The following ADAM22 variants were observed in gnomAD, a reference collection of about 807,000 sequenced individuals.
The protein encoded by ADAM22 is ADAM metallopeptidase domain 22.
Under a neutral mutation model 144.6 loss-of-function variants are expected in ADAM22, and 65 were observed. That is an observed-to-expected ratio of 0.45 (90% CI 0.37 to 0.55). The LOEUF is 0.55. Ranked by LOEUF, ADAM22 falls within the 20% of genes least tolerant of loss-of-function variation. The pLI is 0.00. For synonymous variants in ADAM22, 391 were observed against 412.6 expected, an observed-to-expected ratio of 0.95 and a Z score of 0.63; for missense variants, 974 against 1,184.9, an observed-to-expected ratio of 0.82 and a Z score of 2.61.
chr7:87,935,716 C>A (rs577926474), intron 2 of ADAM22, among the ~76,000 whole-genome samples: 1 of 152,200 alleles, frequency 6.6e-6, no homozygotes, highest in Admixed American at 6.5e-5. Flanking sequence ...TGCCCATTCA[C>A]CCCTACCTTC....
chr7:87,971,828 A>G (rs1456374839), intron 2 of ADAM22, among the ~76,000 whole-genome samples: 2 of 152,220 alleles, frequency 1.3e-5, no homozygotes, highest in Admixed American at 6.5e-5. Context: ...GTGTTGAATA[A>G]TAAGCCTGAT....
intron 4 of ADAM22, among the ~76,000 whole-genome samples, chr7:88,096,180 C>T (rs1821241321): frequency 6.6e-6 from 1 of 152,164 alleles, no homozygotes; most frequent in Admixed American, 6.5e-5. Context: ...GCCTCAGCGT[C>T]CCAAAGTGCT....
At position 88,139,112 on chromosome 7, in the gene ADAM22, C is replaced by A. The variant is rs531422958; in HGVS notation, c.1220+3081C>A. Reference sequence around the variant, plus strand: ...GTATGGATCCAACTCAGGTTTTGACCAGTAGGATAAAGAGGGACTTTGGGG... The same window carrying A: ...GTATGGATCCAACTCAGGTTTTGACAAGTAGGATAAAGAGGGACTTTGGGG... On this transcript the variant is annotated intron_variant, in intron 14 of 31. Transcript: ENST00000413139. Among the ~76,000 whole-genome samples the A allele has an allele frequency of 1.7e-4, 26 of 152,214 alleles. No individual in the cohort carries two copies. In the South Asian group the frequency reaches 5.4e-3, roughly 32 times the overall value.
intron 14 of ADAM22, among the ~76,000 whole-genome samples, chr7:88,141,477 T>C (rs1230093783): frequency 6.6e-6 from 1 of 152,218 alleles, no homozygotes; most frequent in Non-Finnish European, 1.5e-5. Flanking sequence ...GGGATATAAA[T>C]GGACAGTTTT....
At chr7:87,959,080 T>C (rs1198362606) in intron 2 of ADAM22, among the ~76,000 whole-genome samples, 1 of 152,166 alleles carries the variant, frequency 6.6e-6, no homozygotes, top group Non-Finnish European at 1.5e-5. Context: ...ATCTTAATTT[T>C]TCACAAAATA....
intron 4 of ADAM22, among the ~76,000 whole-genome samples, chr7:88,098,688 AGTG>A (rs1266011537): frequency 6.6e-6 from 1 of 151,804 alleles, no homozygotes; most frequent in Non-Finnish European, 1.5e-5. Flanking sequence ...ATTCCTATCC[AGTG>A]GTTTTCTACT....
chr7:88,011,734 G>A (rs897256364), intron 3 of ADAM22, among the ~76,000 whole-genome samples: 3 of 133,900 alleles, frequency 2.2e-5, no homozygotes, highest in Admixed American at 7.8e-5. Flanking sequence ...CTCTCTCTCC[G>A]CCCCCCACCC....
chr7:87,988,518 G>A (rs1161293529), intron 3 of ADAM22, among the ~76,000 whole-genome samples: 1 of 152,124 alleles, frequency 6.6e-6, no homozygotes, highest in Admixed American at 6.6e-5. Context: ...TATATATTAA[G>A]TTAGTGTTTT....
At chr7:87,955,487 C>G (rs1176331338) in intron 2 of ADAM22, among the ~76,000 whole-genome samples, 1 of 152,182 alleles carries the variant, frequency 6.6e-6, no homozygotes, top group African/African-American at 2.4e-5. Flanking sequence ...CTGATCGTTC[C>G]TCTGGAAGTT....
chr7:87,995,391 T>A (rs1457456589), intron 3 of ADAM22, among the ~76,000 whole-genome samples: 1 of 152,210 alleles, frequency 6.6e-6, no homozygotes, highest in African/African-American at 2.4e-5. Context: ...CCATGCAAAG[T>A]TAGTTTCCAC....
At chr7:87,962,642 A>C (rs1275263608) in intron 2 of ADAM22, among the ~76,000 whole-genome samples, 1 of 151,830 alleles carries the variant, frequency 6.6e-6, no homozygotes, top group African/African-American at 2.4e-5. Context: ...TGAAGATGGA[A>C]TCTTGCTGTG....
chr7:88,078,174 A>T (rs1283710076), intron 4 of ADAM22, among the ~76,000 whole-genome samples: 1 of 152,204 alleles, frequency 6.6e-6, no homozygotes, highest in Non-Finnish European at 1.5e-5. Context: ...ACGATCAGGC[A>T]GCAGCATTTG....
chr7:88,195,576 C>T (rs1042393416), intron 31 of ADAM22, among the ~76,000 whole-genome samples: 9 of 152,074 alleles, frequency 5.9e-5, no homozygotes, highest in Admixed American at 5.9e-4. Context: ...AGTGCAATGT[C>T]GCGATCTCGG....
intron 2 of ADAM22, among the ~76,000 whole-genome samples, chr7:87,957,492 T>G (rs1416737278): frequency 6.6e-6 from 1 of 152,176 alleles, no homozygotes; most frequent in Non-Finnish European, 1.5e-5. Flanking sequence ...CAGATGATGC[T>G]CTCTTGCCCT....
At chr7:88,064,310 A>G (rs771240634) in intron 3 of ADAM22, among the ~76,000 whole-genome samples, 2 of 152,192 alleles carry the variant, frequency 1.3e-5, no homozygotes, top group African/African-American at 4.8e-5. Flanking sequence ...AGTGGTCCAG[A>G]GAATGAGCTT....
intron 30 of ADAM22, among the ~76,000 whole-genome samples, chr7:88,189,884 T>A (rs573128341): frequency 6.6e-6 from 1 of 150,844 alleles, no homozygotes; most frequent in Non-Finnish European, 1.5e-5. Flanking sequence ...GCGGAGGTTG[T>A]AGTGAGCCGA....
At chr7:88,025,645 C>A (rs1798846480) in intron 3 of ADAM22, among the ~76,000 whole-genome samples, 1 of 152,112 alleles carries the variant, frequency 6.6e-6, no homozygotes, top group African/African-American at 2.4e-5. Flanking sequence ...AATGTATATT[C>A]TTGGCACCTT....
rs562890914 is a variant in ADAM22 at position 88,091,878 on chromosome 7, G to A, written c.390+16186G>A. On this transcript the variant is annotated intron_variant, in intron 4 of 31. Coordinates refer to ENST00000413139, the MANE Select transcript of ADAM22 (RefSeq NM_001324418.2). ...ATAGGCCAGAATTGAAGATGTGTTAGTTCAGGTGAGTCCCAATTATTCCAA... is the reference window on the plus strand; with the variant it reads ...ATAGGCCAGAATTGAAGATGTGTTAATTCAGGTGAGTCCCAATTATTCCAA... Among the ~76,000 whole-genome samples the A allele has an allele frequency of 1.1e-4, 16 of 152,202 alleles. No individual in the cohort carries two copies. The South Asian group carries it at 3.3e-3, about 32-fold the overall frequency.
At chr7:87,954,339 TG>T (rs960509278) in intron 2 of ADAM22, among the ~76,000 whole-genome samples, 1 of 152,132 alleles carries the variant, frequency 6.6e-6, no homozygotes, top group Non-Finnish European at 1.5e-5. Flanking sequence ...GCAGGCCTGG[TG>T]GTGACAAAAT....
Sources: gnomAD v4.1 joint callset for allele counts (sites outside exome capture counted in the v4.1 genomes callset) on GRCh38, gnomAD v4.1.1 for gene constraint, MANE v1.5 for transcripts, NCBI Gene and HGNC (gene_info 2026-07-23, HGNC 2026-07-21) for gene names.